Variants in IL1RAPL1 observed in about 807,000 individuals in gnomAD.
IL1RAPL1 encodes interleukin 1 receptor accessory protein like 1, also known as interleukin-1 receptor accessory protein-like 1.
Under a neutral mutation model 48.4 loss-of-function variants are expected in IL1RAPL1, and 3 were observed. The ratio of observed to expected loss-of-function variants is 0.06; its 90% CI spans 0.03 to 0.16. The LOEUF is 0.16. IL1RAPL1 is among the 10% of genes least tolerant of loss of function. The pLI, the probability that IL1RAPL1 is intolerant of heterozygous loss-of-function variation, is 1.00. For synonymous variants in IL1RAPL1, 185 were observed against 187.7 expected, an observed-to-expected ratio of 0.99 and a Z score of 0.12; for missense variants, 349 against 530.6, an observed-to-expected ratio of 0.66 and a Z score of 3.36.
At chrX:29,765,245 CT>C (rs68094158) in intron 6 of IL1RAPL1, among the ~76,000 whole-genome samples, 7,475 of 81,590 alleles carry the variant, frequency 0.092, 514 homozygotes, top group East Asian at 0.25. Flanking sequence ...TAGTTCTAGG[CT>C]TTTTTTTTTT....
chrX:29,077,820 G>C (rs1385932623), intron 2 of IL1RAPL1, among the ~76,000 whole-genome samples: 1 of 111,035 alleles, frequency 9.0e-6, no homozygotes, highest in Non-Finnish European at 1.9e-5. Context: ...TGAAGTGCCT[G>C]AGTTGAGAAA....
At chrX:29,947,553 G>A (rs768601113) in intron 9 of IL1RAPL1, among the ~76,000 whole-genome samples, 101 of 111,322 alleles carry the variant, frequency 9.1e-4, no homozygotes, top group East Asian at 5.6e-4. Context: ...CTCAGAAAAT[G>A]TGAACATCTG....
At chrX:29,122,573 C>T (rs1352854218) in intron 2 of IL1RAPL1, among the ~76,000 whole-genome samples, 2 of 107,618 alleles carry the variant, frequency 1.9e-5, no homozygotes, top group Non-Finnish European at 3.8e-5. Flanking sequence ...ATTTCAGGCT[C>T]CTAGGAAAGC....
chrX:28,802,135 TA>T lies in IL1RAPL1; in HGVS notation c.82+12712del, dbSNP rs770665686. On this transcript the variant is annotated intron_variant, in intron 2 of 10. Coordinates refer to ENST00000378993, the MANE Select transcript of IL1RAPL1 (RefSeq NM_014271.4). The stretch of plus-strand genomic sequence containing the variant: ...TATTAGCTTAAAACAAAGGTTCTGT[TA>T]AGAGAAAAAAAAATTAGTTTTTATT... Among the ~76,000 whole-genome samples, 19 of 111,664 alleles carry T rather than the reference TA, an allele frequency of 1.7e-4. No homozygotes were observed. In the South Asian group the frequency reaches 7.1e-3, roughly 41 times the overall value.
chrX:28,884,695 C>T (rs1679095235), intron 2 of IL1RAPL1, among the ~76,000 whole-genome samples: 1 of 111,956 alleles, frequency 8.9e-6, no homozygotes, highest in Admixed American at 9.6e-5. Flanking sequence ...ACTAAACTAA[C>T]ATGCATTGTT....
intron 2 of IL1RAPL1, among the ~76,000 whole-genome samples, chrX:29,104,235 A>G (rs1276177814): frequency 8.9e-6 from 1 of 112,454 alleles, no homozygotes; most frequent in Non-Finnish European, 1.9e-5. Context: ...GTTCATCAAC[A>G]GATGACTGAA....
chrX:28,845,186 G>C (rs967393050), intron 2 of IL1RAPL1, among the ~76,000 whole-genome samples: 1 of 111,247 alleles, frequency 9.0e-6, no homozygotes, highest in Non-Finnish European at 1.9e-5. Flanking sequence ...GAATGATGTA[G>C]GGTCTTGTTT....
chrX:29,808,232 A>AG (rs1930300510), intron 6 of IL1RAPL1, among the ~76,000 whole-genome samples: 1 of 112,172 alleles, frequency 8.9e-6, no homozygotes, highest in African/African-American at 3.2e-5. Flanking sequence ...TAAACAGTAA[A>AG]GTAGTTATCT....
At chrX:29,333,505 C>T (rs1223869876) in intron 3 of IL1RAPL1, among the ~76,000 whole-genome samples, 5 of 79,424 alleles carry the variant, frequency 6.3e-5, no homozygotes, top group Non-Finnish European at 1.0e-4. Context: ...CCTCACCTCC[C>T]GGACGGGGCG....
At chrX:29,559,381 T>G (rs946780437) in intron 5 of IL1RAPL1, among the ~76,000 whole-genome samples, 1 of 112,195 alleles carries the variant, frequency 8.9e-6, no homozygotes, top group Non-Finnish European at 1.9e-5. Context: ...TTGGAAAAGT[T>G]AACATTAACA....
intron 2 of IL1RAPL1, among the ~76,000 whole-genome samples, chrX:29,182,104 GCC>G (rs60572057): frequency 9.4e-6 from 1 of 106,725 alleles, no homozygotes; most frequent in Non-Finnish European, 1.9e-5. Context: ...TTTTAGCCTT[GCC>G]CCCCCCCACC....
intron 6 of IL1RAPL1, among the ~76,000 whole-genome samples, chrX:29,675,823 T>C (rs377369735): frequency 8.9e-6 from 1 of 111,958 alleles, no homozygotes; most frequent in African/African-American, 3.2e-5. Flanking sequence ...ACTCCTGATC[T>C]CGTGATCTAC....
At chrX:28,847,633 C>T (rs1219728952) in intron 2 of IL1RAPL1, among the ~76,000 whole-genome samples, 3 of 110,801 alleles carry the variant, frequency 2.7e-5, no homozygotes, top group Non-Finnish European at 5.7e-5. Context: ...CACCCCCTCC[C>T]ACGTCAGTGC....
At chrX:28,722,386 G>T (rs1365647888) in intron 1 of IL1RAPL1, among the ~76,000 whole-genome samples, 2 of 110,720 alleles carry the variant, frequency 1.8e-5, no homozygotes, top group African/African-American at 6.6e-5. Flanking sequence ...TCATGATTTG[G>T]CTCTTTGTCT....
At chrX:29,331,751 T>C (rs189733351) in intron 3 of IL1RAPL1, among the ~76,000 whole-genome samples, 1 of 112,148 alleles carries the variant, frequency 8.9e-6, no homozygotes, top group Admixed American at 9.5e-5. Context: ...TTTTGAAATA[T>C]AATGTCAAAA....
chrX:29,216,455 A>G (rs1467998156), intron 2 of IL1RAPL1, among the ~76,000 whole-genome samples: 2 of 111,088 alleles, frequency 1.8e-5, no homozygotes, highest in South Asian at 7.6e-4. Context: ...TTGGCCTCCA[A>G]AAGTGCTGGA....
intron 5 of IL1RAPL1, among the ~76,000 whole-genome samples, chrX:29,448,938 A>T (rs1000135197): frequency 2.7e-5 from 3 of 110,775 alleles, no homozygotes; most frequent in Non-Finnish European, 5.7e-5. Flanking sequence ...TTCTTCTTAT[A>T]ATGGCACCAA....
chrX:28,922,483 A>G (rs1923639479), intron 2 of IL1RAPL1, among the ~76,000 whole-genome samples: 1 of 112,276 alleles, frequency 8.9e-6, no homozygotes, highest in African/African-American at 3.2e-5. Context: ...TGAAATTAAA[A>G]ATAGTTGTCA....
chrX:29,470,652 G>C (rs1235221504), intron 5 of IL1RAPL1, among the ~76,000 whole-genome samples: 1 of 110,218 alleles, frequency 9.1e-6, no homozygotes, highest in African/African-American at 3.3e-5. Context: ...ATTTATTTTA[G>C]AGATAGGGTC....
Sources: allele counts gnomAD v4.1 joint callset (sites outside exome capture counted in the v4.1 genomes callset), GRCh38; gene constraint gnomAD v4.1.1; transcripts MANE v1.5; gene names NCBI Gene and HGNC (gene_info 2026-07-23, HGNC 2026-07-21).